TGM1: variants seen among roughly 807,000 people sequenced by gnomAD.
TGM1 encodes the protein protein-glutamine gamma-glutamyltransferase K.
In TGM1, 63 loss-of-function variants were observed where a neutral mutation model predicts 88.7. That is an observed-to-expected ratio of 0.71 (90% confidence interval 0.58 to 0.88). TGM1 has a LOEUF of 0.88. Ranked by LOEUF, TGM1 falls within the 40% of genes least tolerant of loss-of-function variation. TGM1 has a pLI of 0.00. For synonymous variants in TGM1, 415 were observed against 431.1 expected (o/e 0.96, Z 0.46); for missense variants, 996 against 1,118.0 (o/e 0.89, Z 1.56).
Position 24,256,042 on chromosome 14 carries a change from T to G in TGM1, c.1438A>C (p.Ile480Leu), listed in dbSNP as rs377119683. ...TTCATGTAGACCAGGCCATTCTTGA[T>G]GGACTCCACAGAGCAGGGGCCGCAG... ...FCCGPCSVES[I>L]KNGLVYMKYD... Residue 480 changes from isoleucine (I) to leucine (L), a missense_variant, in exon 10 of 15, where the codon ATC becomes CTC. Transcript: ENST00000206765. 3.2e-6 allele frequency: 5 copies of G among 1,571,466 alleles called. No homozygotes were observed. The highest frequency in any genetic ancestry group is 1.7e-4 in the Middle Eastern group (1 of 6,010).
chr14:24,258,417 C>A (rs375272469), intron 8 of TGM1, 29 bp from the exon 9 acceptor site: 88 of 1,613,428 alleles, frequency 5.5e-5, no homozygotes, highest in Non-Finnish European at 7.2e-5. Context: ...GGGGCTGGGT[C>A]TGAGCCCCAG....
Position 24,258,656 on chromosome 14 carries a change from G to C in TGM1, c.1177C>G (p.Leu393Val). ...VTTTVLRCLGLATRTVTNFNS... is the reference protein window; with the variant it reads ...VTTTVLRCLGVATRTVTNFNS... ...AAGTTGGTGACAGTACGGGTGGCCA[G>C]ACCCAGGCAGCGCAGCACTGTGGAG... Residue 393 changes from leucine to valine, a missense_variant, in exon 8 of 15, where the codon CTG (leucine) becomes GTG (valine). Physicochemically the swap from Leu to Val is conservative, Grantham distance 32. Transcript: ENST00000206765. 3 of 1,614,230 alleles carry C rather than the reference G, an allele frequency of 1.9e-6. No homozygotes were observed. The highest frequency in any genetic ancestry group is 2.5e-6 in the Non-Finnish European group (3 of 1,180,028).
rs1300614111 is a variant in TGM1, at chr14:24,254,140, G to A, written c.2225+12C>T. 1 of 1,607,274 alleles carries A rather than the reference G, an allele frequency of 6.2e-7. No homozygotes were observed. The highest frequency in any genetic ancestry group is 8.5e-7 in the Non-Finnish European group (1 of 1,176,740). ...GAGTGGAAGCAGGGGTAGGGGGAGA[G>A]GCCAGACTCACCCAACGTTGAGGAT... is the stretch of plus-strand genomic sequence containing the variant. On this transcript the variant is annotated intron_variant, in intron 14 of 14. Transcript: ENST00000206765.
chr14:24,261,117 G>C (rs1467823813), intron 3 of TGM1, among the ~76,000 whole-genome samples: 1 of 152,198 alleles, frequency 6.6e-6, no homozygotes, highest in African/African-American at 2.4e-5. Context: ...ATCCCTGGTG[G>C]AGGTGGTAGG....
In TGM1 at chr14:24,262,042, G is replaced by T. The variant is rs2040816045; in HGVS notation, c.311C>A (p.Thr104Asn). ...GGACAGACCGGCCTCACCTCGGATG[G>T]TGCCATCTCCAGCTGCATTGACACC... ...GSGVNAAGDGTIREGMLVVNG... is the reference protein window; with the variant it reads ...GSGVNAAGDGNIREGMLVVNG... Residue 104 changes from threonine to asparagine, a missense_variant, in exon 2 of 15, where the codon ACC becomes AAC. Physicochemically the swap from Thr to Asn is moderately conservative, Grantham distance 65. Coordinates refer to ENST00000206765, the MANE Select transcript of TGM1 (RefSeq NM_000359.3). 1 of 1,613,598 alleles carries T rather than the reference G, an allele frequency of 6.2e-7. No homozygotes were observed. Among genetic ancestry groups the T allele is most frequent in the Non-Finnish European group, 8.5e-7 (1 of 1,180,034 alleles).
In TGM1 at chr14:24,261,594, G is replaced by T. The variant is rs2040808787; in HGVS notation, c.508+101C>A. On this transcript the variant is annotated intron_variant, in intron 3 of 14. Coordinates refer to ENST00000206765, the MANE Select transcript of TGM1 (RefSeq NM_000359.3). ...ACCTGCCTTATCTGGCAGAGGTGAG[G>T]AGTGGGGCAGGGAGGAGCCTAAAGA... is the stretch of plus-strand genomic sequence containing the variant. 6 of 1,413,604 alleles carry T rather than the reference G, an allele frequency of 4.2e-6. No homozygotes were observed. The Admixed American group carries it at 6.7e-5, about 16-fold the overall frequency. The allele number at this position is 1,413,604 out of a possible 1,614,324, so 87.6% of individuals were successfully genotyped here.
rs2855105 is a variant in TGM1, at chr14:24,258,343, C to T, written c.1344G>A (p.Leu448=). Residue 448 remains leucine, a synonymous_variant, in exon 9 of 15, where the codon CTG becomes CTA. Coordinates refer to ENST00000206765, the MANE Select transcript of TGM1 (RefSeq NM_000359.3). The part of the protein sequence containing the change: ...WNDCWMKRPD[L]PSGFDGWQVV... ...CCTGCCACCCATCAAAGCCCGAGGGCAGATCCGGCCTCTTCATCCAGCAGT... is the reference window on the plus strand; with the variant it reads ...CCTGCCACCCATCAAAGCCCGAGGGTAGATCCGGCCTCTTCATCCAGCAGT... The T allele has an allele frequency of 6.2e-6, 10 of 1,613,988 alleles. No individual in the cohort carries two copies. The East Asian group carries it at 1.6e-4, about 25-fold the overall frequency.
At chr14:24,257,262 G>C (rs2040760043) in intron 9 of TGM1, among the ~76,000 whole-genome samples, 1 of 152,204 alleles carries the variant, frequency 6.6e-6, no homozygotes, top group African/African-American at 2.4e-5. Context: ...CTCTGACCTG[G>C]GGTAAGGGAG....
chr14:24,254,910 C>T (rs2040735243), intron 12 of TGM1, 62 bp downstream of exon 12: 1 of 1,612,878 alleles, frequency 6.2e-7, no homozygotes, highest in Admixed American at 1.7e-5. Context: ...CTGGGGTCTC[C>T]ATGTCCACAG....
Position 24,259,074 on chromosome 14 carries a change from C to T in TGM1, c.1159+1G>A, listed in dbSNP as rs1220151696. On this transcript the variant is annotated splice_donor_variant, in intron 7 of 14. Coordinates refer to ENST00000206765, the MANE Select transcript of TGM1 (RefSeq NM_000359.3). LOFTEE classifies it high-confidence loss of function. The surrounding 1 kb of genome is among the most constrained non-coding windows in gnomAD (Gnocchi z 5.7). ...CACTCCTGTCCCAGTCCCTCCACTA[C>T]CTGTGGTGGTCACGCCAGCAAAGAC... The T allele has an allele frequency of 1.2e-6, 2 of 1,613,900 alleles. No individual in the cohort carries two copies. Among genetic ancestry groups the T allele is most frequent in the Non-Finnish European group, 1.7e-6 (2 of 1,179,996 alleles).
At position 24,260,478 on chromosome 14, in the gene TGM1, G is replaced by T. The variant is rs2040798987; in HGVS notation, c.729C>A (p.Ile243=). 1.2e-6 allele frequency: 2 copies of T among 1,614,252 alleles called. No individual in the cohort carries two copies. Among genetic ancestry groups the T allele is most frequent in the African/African-American group, 2.7e-5 (2 of 75,078 alleles). Reference sequence around the variant, plus strand: ...GGCACCAGGGGTTGAAGAGGATGTAGATCTCATTGCGGGGGTCAAAGGGCA... The same window carrying T: ...GGCACCAGGGGTTGAAGAGGATGTATATCTCATTGCGGGGGTCAAAGGGCA... The part of the protein sequence containing the change: ...FQLPFDPRNE[I]YILFNPWCPE... Residue 243 remains isoleucine (I), a synonymous_variant, in exon 4 of 15, where the codon ATC becomes ATA. Transcript: ENST00000206765.
At chr14:24,258,206 A>G (rs2139023057) in intron 9 of TGM1, 79 bp downstream of exon 9, 3 of 1,287,362 alleles carry the variant, frequency 2.3e-6, no homozygotes, top group African/African-American at 1.5e-5. Context: ...GGCCCGGCCC[A>G]GCACTGACAC....
Position 24,255,022 on chromosome 14 carries a change from C to T in TGM1, c.1877G>A (p.Gly626Asp), listed in dbSNP as rs2040736683. The change falls in exon 12 of 15, where the codon GGT becomes GAT. Residue 626 changes from glycine (G) to aspartate (D), a missense_variant. Transcript: ENST00000206765. The surrounding 1 kb of genome is among the most constrained non-coding windows in gnomAD (Gnocchi z 4.0). ...LSVTFYTGVSGTIFKETKKEV... is the reference protein window; with the variant it reads ...LSVTFYTGVSDTIFKETKKEV... ...CTTCTTGGTCTCCTTGAAGATGGTA[C>T]CACTGACACCAGTATAGAAAGTGAC... 6.2e-7 allele frequency: 1 copy of T among 1,614,026 alleles called. No individual in the cohort carries two copies. Among genetic ancestry groups the T allele is most frequent in the Non-Finnish European group, 8.5e-7 (1 of 1,180,040 alleles).
intron 14 of TGM1, 133 bp downstream of exon 14, chr14:24,254,019 T>G: frequency 1.5e-6 from 2 of 1,306,224 alleles, no homozygotes; most frequent in Admixed American, 2.0e-5. Context: ...TATTGCTAGC[T>G]GGCCCCAACC....
In TGM1 at chr14:24,262,137, C is replaced by T. The variant is rs771277378; in HGVS notation, c.216G>A (p.Gly72=). ...GPEPSDSRGR[G]SSSGTRRPGS... is the part of the protein sequence containing the mutation. ...CAGGTCTTCGAGTGCCAGAGCTGGA[C>T]CCTCGACCCCTGGAGTCAGAGGGTT... Residue 72 remains glycine (G), a synonymous_variant, in exon 2 of 15, where the codon GGG becomes GGA. Coordinates refer to ENST00000206765, the MANE Select transcript of TGM1 (RefSeq NM_000359.3). 1.6e-4 allele frequency: 263 copies of T among 1,613,530 alleles called. No homozygotes were observed. The highest frequency in any genetic ancestry group is 2.0e-4 in the Non-Finnish European group (241 of 1,180,046).
Position 24,254,957 on chromosome 14 carries a change from G to A in TGM1, c.1927+15C>T, listed in dbSNP as rs1219417969. ...CCAGCCATCCAGGGGGCAGGGCTGGGTAAGGAGCACTTACAGGCCCCTGGT... is the reference window on the plus strand; with the variant it reads ...CCAGCCATCCAGGGGGCAGGGCTGGATAAGGAGCACTTACAGGCCCCTGGT... On this transcript the variant is annotated intron_variant, in intron 12 of 14. Coordinates refer to ENST00000206765, the MANE Select transcript of TGM1 (RefSeq NM_000359.3). The A allele has an allele frequency of 1.2e-6, 2 of 1,613,538 alleles. No homozygotes were observed. The highest frequency in any genetic ancestry group is 4.5e-5 in the East Asian group (2 of 44,890).
chr14:24,252,708 A>G (rs2040711967), intron 14 of TGM1, among the ~76,000 whole-genome samples: 2 of 151,660 alleles, frequency 1.3e-5, no homozygotes, highest in African/African-American at 4.8e-5. Flanking sequence ...CACCACCAGG[A>G]GAGCTGCTGT....
intron 9 of TGM1, 47 bp downstream of exon 9, chr14:24,258,238 G>A (rs766393980): frequency 1.7e-5 from 25 of 1,482,602 alleles, no homozygotes; most frequent in Middle Eastern, 1.7e-4. Context: ...TTAATCAGGT[G>A]GGGGAGATAA....
At chr14:24,260,387 G>C in intron 4 of TGM1, 63 bp downstream of exon 4, 1 of 1,609,240 alleles carries the variant, frequency 6.2e-7, no homozygotes, top group East Asian at 2.2e-5. Context: ...ACATCCGAGG[G>C]CAGGAAGCCC....
Sources: allele counts gnomAD v4.1 joint callset (sites outside exome capture counted in the v4.1 genomes callset), GRCh38; gene constraint gnomAD v4.1.1; non-coding constraint Gnocchi (gnomAD v3.1); transcripts MANE v1.5; gene names NCBI Gene and HGNC (gene_info 2026-07-23, HGNC 2026-07-21).